TRMT10B: variants seen among roughly 807,000 people sequenced by gnomAD.
The protein encoded by TRMT10B is tRNA methyltransferase 10B.
Under a neutral mutation model 43.8 loss-of-function variants are expected in TRMT10B, and 33 were observed. That is an observed-to-expected ratio of 0.75 (90% CI 0.57 to 1.01). The LOEUF (loss-of-function observed/expected upper bound fraction) is 1.01, where lower values mean the gene tolerates loss of function less well. Among genes scored for constraint, TRMT10B ranks in the 50% least tolerant of loss-of-function variants. TRMT10B has a pLI of 0.00. For missense variants in TRMT10B, 362 were observed against 369.8 expected, an observed-to-expected ratio of 0.98 and a Z score of 0.17; for synonymous variants, 137 against 130.6, an observed-to-expected ratio of 1.05 and a Z score of -0.34.
intron 7 of TRMT10B, among the ~76,000 whole-genome samples, chr9:37,774,356 C>T (rs1398582064): frequency 6.6e-6 from 1 of 152,182 alleles, no homozygotes; most frequent in Admixed American, 6.5e-5. Context: ...CAGTGCATGA[C>T]TTACAGATGT....
upstream of TRMT10B, among the ~76,000 whole-genome samples, chr9:37,753,485 G>A (rs921960850): frequency 6.6e-6 from 1 of 151,520 alleles, no homozygotes; most frequent in Admixed American, 6.6e-5. Flanking sequence ...AGTCGGGTGC[G>A]GGCCTTAGAA....
intron 1 of TRMT10B, among the ~76,000 whole-genome samples, chr9:37,756,407 G>GT (rs1486392461): frequency 7.7e-6 from 1 of 129,224 alleles, no homozygotes; most frequent in African/African-American, 2.9e-5. Flanking sequence ...GATATCTTTT[G>GT]TTTAAAAAAA....
chr9:37,756,832 G>A (rs1825768327), intron 1 of TRMT10B, among the ~76,000 whole-genome samples: 1 of 151,470 alleles, frequency 6.6e-6, no homozygotes, highest in African/African-American at 2.4e-5. Flanking sequence ...GTGTATGCGT[G>A]TGTATGTATG....
In TRMT10B at chr9:37,762,668, A is replaced by G. The variant is rs762768797; in HGVS notation, c.278A>G (p.Asn93Ser). The stretch of plus-strand genomic sequence containing the variant: ...CAAGAAAAAGAACGAAGAAAAGCCA[A>G]TCGTGCAGAAAATCCAGGTGACAAT... ...RKQEKERRKANRAENPGICPQ... is the reference protein window; with the variant it reads ...RKQEKERRKASRAENPGICPQ... Residue 93 changes from asparagine to serine, a missense_variant, in exon 3 of 9, where the codon AAT becomes AGT. Asn to Ser is a conservative substitution (Grantham distance 46, BLOSUM62 1). Transcript: ENST00000297994. The G allele has an allele frequency of 1.1e-5, 18 of 1,585,714 alleles. No homozygotes were observed. Among genetic ancestry groups the G allele is most frequent in the African/African-American group, 5.4e-5 (4 of 74,570 alleles).
At position 37,777,739 on chromosome 9, in the gene TRMT10B, G is replaced by A; in HGVS notation, c.*32G>A. 1.3e-6 allele frequency: 2 copies of A among 1,572,100 alleles called. No individual in the cohort carries two copies. The highest frequency in any genetic ancestry group is 8.8e-7 in the Non-Finnish European group (1 of 1,142,274). On this transcript the variant is annotated 3_prime_UTR_variant, in exon 9 of 9. Transcript: ENST00000297994. Reference sequence around the variant, plus strand: ...TAAGATTGCAGCTGCGTGGCCAGGTGCTCACGCCGTAATGCCAACACTTTG... The same window carrying A: ...TAAGATTGCAGCTGCGTGGCCAGGTACTCACGCCGTAATGCCAACACTTTG...
At chr9:37,773,229 T>C (rs1262880890) in intron 7 of TRMT10B, among the ~76,000 whole-genome samples, 1 of 152,116 alleles carries the variant, frequency 6.6e-6, no homozygotes, top group Non-Finnish European at 1.5e-5. Context: ...CGCCTCAGCC[T>C]CCTGAGTACG....
intron 1 of TRMT10B, among the ~76,000 whole-genome samples, chr9:37,758,474 G>A (rs1221182771): frequency 6.6e-6 from 1 of 152,176 alleles, no homozygotes; most frequent in Non-Finnish European, 1.5e-5. Context: ...GATAGACAAA[G>A]CACTTAATTG....
At chr9:37,757,138 C>T (rs778882061) in intron 1 of TRMT10B, among the ~76,000 whole-genome samples, 10 of 152,068 alleles carry the variant, frequency 6.6e-5, no homozygotes, top group Non-Finnish European at 1.3e-4. Flanking sequence ...GGTTGAAGTG[C>T]AATGGCACAA....
chr9:37,760,451 T>A (rs1240782607), intron 1 of TRMT10B, among the ~76,000 whole-genome samples: 1 of 152,214 alleles, frequency 6.6e-6, no homozygotes, highest in East Asian at 1.9e-4. Flanking sequence ...CTTGAGCAGG[T>A]TGAGGCTGTA....
intron 8 of TRMT10B, 27 bp downstream of exon 8, chr9:37,776,432 GGT>G (rs1374524591): frequency 1.3e-6 from 2 of 1,591,876 alleles, no homozygotes; most frequent in South Asian, 1.2e-5. Flanking sequence ...CCCCATCCAG[GGT>G]GTGTGAGTTC....
intron 1 of TRMT10B, among the ~76,000 whole-genome samples, chr9:37,756,787 CATACATGTGTATGTGTAT>C (rs1212004086): frequency 6.9e-6 from 1 of 145,752 alleles, no homozygotes; most frequent in Non-Finnish European, 1.5e-5. Flanking sequence ...TATGTGTATA[CATACATGTGTATGTGTAT>C]ATATGTGTGC....
At chr9:37,753,428 C>T (rs1024007949), upstream of TRMT10B, among the ~76,000 whole-genome samples, 1 of 152,196 alleles carries the variant, frequency 6.6e-6, no homozygotes, top group African/African-American at 2.4e-5. Context: ...CTGTAATGGC[C>T]ATAACTAGTT....
At position 37,778,890 on chromosome 9, in the gene TRMT10B, C is replaced by CCTAT. The variant is rs1408760784; in HGVS notation, c.*1186_*1189dup. On this transcript the variant is annotated 3_prime_UTR_variant, in exon 9 of 9. Coordinates refer to ENST00000297994, the MANE Select transcript of TRMT10B (RefSeq NM_144964.4). ...GATCCTAACAGGACAAATCTGTGTA[C>CCTAT]CTATCTTTCTATCCTCCCTGAGCCT... is the stretch of plus-strand genomic sequence containing the variant. 1 of 152,128 alleles carries CCTAT rather than the reference C, an allele frequency of 6.6e-6. No homozygotes were observed. The highest frequency in any genetic ancestry group is 6.5e-5 in the Admixed American group (1 of 15,282). 9.4% of individuals were successfully genotyped at this position (152,128 alleles called of 1,614,324 possible). A position where few individuals can be genotyped will look rare whatever the true frequency, so the allele number is the denominator to read the frequency against.
chr9:37,764,423 G>A (rs1032942399), intron 4 of TRMT10B, among the ~76,000 whole-genome samples: 1 of 149,154 alleles, frequency 6.7e-6, no homozygotes, highest in Non-Finnish European at 1.5e-5. Flanking sequence ...CTGGGTTGAC[G>A]CCATTCTTGT....
At chr9:37,765,151 A>G (rs1170692326) in intron 4 of TRMT10B, among the ~76,000 whole-genome samples, 1 of 152,210 alleles carries the variant, frequency 6.6e-6, no homozygotes, top group African/African-American at 2.4e-5. Context: ...CACAACGTGC[A>G]GGTTTGTTAC....
rs779504246 is a variant in TRMT10B at position 37,768,084 on chromosome 9, T to C, written c.429T>C (p.Ser143=). 6.8e-6 allele frequency: 11 copies of C among 1,613,666 alleles called. No homozygotes were observed. Among genetic ancestry groups the C allele is most frequent in the Admixed American group, 5.0e-5 (3 of 59,888 alleles). ...TTCTTATTTCTTTGAAGGAATTAAG[T>C]AGACTGGCTGGACAGATTCGAAGGT... The part of the protein sequence containing the change: ...MTHYMSKKEL[S]RLAGQIRRLY... The change falls in exon 5 of 9, where the codon AGT becomes AGC. Residue 143 remains serine, a synonymous_variant. Coordinates refer to ENST00000297994, the MANE Select transcript of TRMT10B (RefSeq NM_144964.4).
chr9:37,774,818 CATG>C (rs1444378633), intron 7 of TRMT10B, among the ~76,000 whole-genome samples: 2 of 152,196 alleles, frequency 1.3e-5, no homozygotes, highest in Non-Finnish European at 2.9e-5. Flanking sequence ...AGACCATACT[CATG>C]ATGGCCAGTC....
At chr9:37,760,887 C>T (rs1377068347) in intron 1 of TRMT10B, among the ~76,000 whole-genome samples, 1 of 152,214 alleles carries the variant, frequency 6.6e-6, no homozygotes, top group Non-Finnish European at 1.5e-5. Flanking sequence ...TGACCATTGA[C>T]TAAAGCATTT....
chr9:37,761,952 G>A lies in TRMT10B; in HGVS notation c.21G>A (p.Gly7=), dbSNP rs777692486. 1.2e-6 allele frequency: 2 copies of A among 1,613,534 alleles called. No homozygotes were observed. The highest frequency in any genetic ancestry group is 3.3e-5 in the Admixed American group (2 of 59,982). Residue 7 remains glycine (G), a synonymous_variant, in exon 2 of 9, where the codon GGG becomes GGA. Transcript: ENST00000297994. MDWKLE[G]STQKVESPVL... is the part of the protein sequence containing the mutation. ...AGTCCATGGACTGGAAATTGGAAGG[G>A]AGTACTCAGAAAGTAGAGTCACCTG...
Sources: gnomAD v4.1 joint callset for allele counts (sites outside exome capture counted in the v4.1 genomes callset) on GRCh38, gnomAD v4.1.1 for gene constraint, MANE v1.5 for transcripts, NCBI Gene and HGNC (gene_info 2026-07-23, HGNC 2026-07-21) for gene names.